The following PCDH9 variants were observed in gnomAD, a reference collection of about 807,000 sequenced individuals.
PCDH9 encodes the protein protocadherin-9.
Under a neutral mutation model 70.6 loss-of-function variants are expected in PCDH9, and 24 were observed. The observed-to-expected ratio is 0.34, with a 90% confidence interval of 0.25 to 0.48. The LOEUF (loss-of-function observed/expected upper bound fraction) is 0.48, where lower values mean the gene tolerates loss of function less well. Ranked by LOEUF, PCDH9 falls within the 20% of genes least tolerant of loss-of-function variation. The pLI, the probability that PCDH9 is intolerant of heterozygous loss-of-function variation, is 0.99. For synonymous variants in PCDH9, 562 were observed against 558.5 expected (o/e 1.01, Z -0.09); for missense variants, 1,281 against 1,503.6 (o/e 0.85, Z 2.45).
chr13:66,440,240 A>G (rs1203401224), intron 4 of PCDH9, among the ~76,000 whole-genome samples: 2 of 152,258 alleles, frequency 1.3e-5, no homozygotes, highest in East Asian at 3.9e-4. Flanking sequence ...CTTTTATCAT[A>G]AAGGAGTGTC....
At chr13:66,676,900 A>G (rs913411357) in intron 3 of PCDH9, among the ~76,000 whole-genome samples, 1 of 152,140 alleles carries the variant, frequency 6.6e-6, no homozygotes, top group East Asian at 1.9e-4. Flanking sequence ...CAAAAACAAA[A>G]GAATTAATGT....
intron 3 of PCDH9, among the ~76,000 whole-genome samples, chr13:66,798,169 T>C (rs1594074973): frequency 6.6e-6 from 1 of 152,152 alleles, no homozygotes; most frequent in African/African-American, 2.4e-5. Context: ...TTTACTACAC[T>C]CTTAACCAAC....
rs527281582 is a variant in PCDH9, at chr13:66,445,217, T to A, written c.3341-140189A>T. On this transcript the variant is annotated intron_variant, in intron 4 of 4. Transcript: ENST00000377865. The stretch of plus-strand genomic sequence containing the variant: ...GTAGTACACTTCAAATATATATAAT[T>A]TTTTTGCCAATTATATCTCAATACA... Among the ~76,000 whole-genome samples, 1,115 of 147,182 alleles carry A rather than the reference T, an allele frequency of 7.6e-3. 21 individuals carry two copies. Among genetic ancestry groups the A allele is most frequent in the African/African-American group, 0.026 (1,067 of 40,574 alleles).
At chr13:66,702,844 T>C (rs2078664505) in intron 3 of PCDH9, among the ~76,000 whole-genome samples, 1 of 152,168 alleles carries the variant, frequency 6.6e-6, no homozygotes, top group South Asian at 2.1e-4. Flanking sequence ...GAACAAAAAT[T>C]TGGAATATAC....
chr13:66,413,413 G>A (rs1324138746), intron 4 of PCDH9, among the ~76,000 whole-genome samples: 4 of 152,046 alleles, frequency 2.6e-5, no homozygotes, highest in South Asian at 2.1e-4. Context: ...TTGGCCTTGC[G>A]TGGTGGCTCA....
In PCDH9 at chr13:67,054,638, T is replaced by C. The variant is rs544864091; in HGVS notation, c.3037-151033A>G. 9.2e-5 allele frequency among the ~76,000 whole-genome samples: 14 copies of C among 152,290 alleles called. No homozygotes were observed. In the South Asian group the frequency reaches 1.0e-3, roughly 11 times the overall value. On this transcript the variant is annotated intron_variant, in intron 2 of 4. Transcript: ENST00000377865. ...CATTCAACATCGCAGAAAAGAAATA[T>C]ATTGCAATGTTTAAAATTATTGAGA...
At chr13:67,041,294 A>T (rs1270020131) in intron 2 of PCDH9, among the ~76,000 whole-genome samples, 1 of 152,188 alleles carries the variant, frequency 6.6e-6, no homozygotes, top group Non-Finnish European at 1.5e-5. Flanking sequence ...GGAATTTTCC[A>T]TAAACATTTT....
At chr13:66,643,238 G>GT (rs1323653934) in intron 3 of PCDH9, among the ~76,000 whole-genome samples, 1 of 151,966 alleles carries the variant, frequency 6.6e-6, no homozygotes, top group East Asian at 1.9e-4. Flanking sequence ...AATATAATAT[G>GT]TAACTACCTA....
At chr13:66,690,614 G>C (rs1330590617) in intron 3 of PCDH9, among the ~76,000 whole-genome samples, 1 of 152,048 alleles carries the variant, frequency 6.6e-6, no homozygotes, top group Non-Finnish European at 1.5e-5. Context: ...TGTCAGAAAA[G>C]GCAATTTTAA....
chr13:66,686,844 A>C (rs1378599033), intron 3 of PCDH9, among the ~76,000 whole-genome samples: 25 of 152,182 alleles, frequency 1.6e-4, no homozygotes, highest in Admixed American at 1.6e-3. Flanking sequence ...AAATAAACAT[A>C]TAGGGCTTAG....
intron 4 of PCDH9, among the ~76,000 whole-genome samples, chr13:66,583,593 G>A (rs554659708): frequency 1.3e-5 from 2 of 151,318 alleles, no homozygotes; most frequent in East Asian, 1.9e-4. Flanking sequence ...CAGTCTGGGT[G>A]ACAGAGTGAG....
intron 2 of PCDH9, among the ~76,000 whole-genome samples, chr13:67,100,268 A>T (rs1482447848): frequency 6.6e-6 from 1 of 152,202 alleles, no homozygotes; most frequent in Admixed American, 6.5e-5. Context: ...AAACATAATG[A>T]CAATAAAAAT....
intron 2 of PCDH9, among the ~76,000 whole-genome samples, chr13:67,164,917 A>G (rs1020386661): frequency 5.3e-5 from 8 of 152,108 alleles, no homozygotes; most frequent in Non-Finnish European, 1.0e-4. Flanking sequence ...CACTAGTCCT[A>G]TGGAAATGAT....
At chr13:67,181,384 G>A (rs535543392) in intron 2 of PCDH9, among the ~76,000 whole-genome samples, 17 of 152,242 alleles carry the variant, frequency 1.1e-4, no homozygotes, top group South Asian at 6.2e-4. Flanking sequence ...TTCATAAGCC[G>A]TAGAGGAAAT....
At chr13:66,787,293 G>T (rs995416097) in intron 3 of PCDH9, among the ~76,000 whole-genome samples, 1 of 152,216 alleles carries the variant, frequency 6.6e-6, no homozygotes, top group African/African-American at 2.4e-5. Context: ...CCAAAGTGAA[G>T]ACTTTTTTAA....
chr13:66,580,210 C>A (rs1333847594), intron 4 of PCDH9, among the ~76,000 whole-genome samples: 1 of 151,966 alleles, frequency 6.6e-6, no homozygotes, highest in South Asian at 2.1e-4. Context: ...ACCAAATATT[C>A]TCTTATAATT....
At chr13:67,172,649 G>A (rs1307751939) in intron 2 of PCDH9, among the ~76,000 whole-genome samples, 1 of 151,922 alleles carries the variant, frequency 6.6e-6, no homozygotes, top group Non-Finnish European at 1.5e-5. Context: ...AGACCGAGGT[G>A]GGAGGATCAC....
chr13:67,215,397 AC>A (rs1226668148), intron 2 of PCDH9: 3 of 152,072 alleles, frequency 2.0e-5, no homozygotes, highest in Admixed American at 2.0e-4. Context: ...TTAATGTGAT[AC>A]GGTATTTTTC....
intron 2 of PCDH9, among the ~76,000 whole-genome samples, chr13:66,951,174 C>T (rs2083174101): frequency 6.6e-6 from 1 of 152,106 alleles, no homozygotes; most frequent in Non-Finnish European, 1.5e-5. Context: ...GGTTTAAGTA[C>T]ACATTTATTT....
Sources: gnomAD v4.1 joint callset for allele counts (sites outside exome capture counted in the v4.1 genomes callset) on GRCh38, gnomAD v4.1.1 for gene constraint, MANE v1.5 for transcripts, NCBI Gene and HGNC (gene_info 2026-07-23, HGNC 2026-07-21) for gene names.